RTEL1: variants seen among roughly 807,000 people sequenced by gnomAD.
RTEL1 encodes regulator of telomere length.
A neutral mutation model predicts 162.2 loss-of-function variants in RTEL1; 86 were observed. The observed-to-expected ratio is 0.53, with a 90% CI of 0.45 to 0.63. RTEL1 has a LOEUF of 0.63. Ranked by LOEUF, RTEL1 falls within the 30% of genes least tolerant of loss-of-function variation. The probability of loss-of-function intolerance (pLI) is 0.00; values close to 1 mark genes in which losing one functional copy is unlikely to be tolerated. For missense variants in RTEL1, 1,941 were observed against 1,750.2 expected, an observed-to-expected ratio of 1.11 and a Z score of -1.95; for synonymous variants, 958 against 717.9, an observed-to-expected ratio of 1.33 and a Z score of -5.35.
At position 63,680,653 on chromosome 20, in the gene RTEL1, C is replaced by T. The variant is rs748816887; in HGVS notation, c.1136-11C>T. The T allele has an allele frequency of 6.2e-7, 1 of 1,612,886 alleles. No homozygotes were observed. The highest frequency in any genetic ancestry group is 2.2e-5 in the East Asian group (1 of 44,874). ...CTGCAGTGTGGGTGTCAGCGCCCTGCTGCCCTCCAGGTGCTGGAGTGTTCA... is the reference window on the plus strand; with the variant it reads ...CTGCAGTGTGGGTGTCAGCGCCCTGTTGCCCTCCAGGTGCTGGAGTGTTCA... On this transcript the variant is annotated splice_polypyrimidine_tract_variant and intron_variant, in intron 13 of 34. Transcript: ENST00000360203.
Position 63,690,825 on chromosome 20 carries a change from C to A in RTEL1, c.2434C>A (p.Pro812Thr), listed in dbSNP as rs1601173488. 1.9e-6 allele frequency: 3 copies of A among 1,605,502 alleles called. No individual in the cohort carries two copies. Among genetic ancestry groups the A allele is most frequent in the Non-Finnish European group, 2.5e-6 (3 of 1,177,828 alleles). ...TGCAGGGTCACCAGCTGCCGGGGACCCCGAGAGTAGCCTGTGTGTGGAGTA... is the reference window on the plus strand; with the variant it reads ...TGCAGGGTCACCAGCTGCCGGGGACACCGAGAGTAGCCTGTGTGTGGAGTA... Reference protein sequence around the residue: ...RSSGSPAAGDPESSLCVEYEQ... With the variant: ...RSSGSPAAGDTESSLCVEYEQ... Residue 812 changes from proline to threonine, a missense_variant, in exon 27 of 35, where the codon CCC becomes ACC. Coordinates refer to ENST00000360203, the MANE Select transcript of RTEL1 (RefSeq NM_001283009.2).
At chr20:63,664,650 C>T (rs550038377) in intron 6 of RTEL1, among the ~76,000 whole-genome samples, 3 of 152,348 alleles carry the variant, frequency 2.0e-5, no homozygotes, top group Non-Finnish European at 2.9e-5. Flanking sequence ...GTTGCCTAGC[C>T]GTGAACCTTC....
In RTEL1 at chr20:63,695,376, C is replaced by T. The variant is rs145401003; in HGVS notation, c.3548C>T (p.Ser1183Phe). The T allele has an allele frequency of 7.7e-6, 12 of 1,548,876 alleles. No individual in the cohort carries two copies. The African/African-American group carries it at 1.4e-4, about 18-fold the overall frequency. The change falls in exon 34 of 35, where the codon TCC (serine) becomes TTC (phenylalanine). Residue 1183 changes from serine (S) to phenylalanine (F), a missense_variant. Transcript: ENST00000360203. The stretch of plus-strand genomic sequence containing the variant: ...GGGAAGACCCAGAGCAAGATCTCGT[C>T]CTTCCTTAGACAGAGGCCAGCAGGG... ...KTGKTQSKIS[S>F]FLRQRPAGTV...
At position 63,662,907 on chromosome 20, in the gene RTEL1, G is replaced by A; in HGVS notation, c.538+18G>A. 6.2e-7 allele frequency: 1 copy of A among 1,612,872 alleles called. No homozygotes were observed. The highest frequency in any genetic ancestry group is 8.5e-7 in the Non-Finnish European group (1 of 1,179,034). On this transcript the variant is annotated intron_variant, in intron 6 of 34. Coordinates refer to ENST00000360203, the MANE Select transcript of RTEL1 (RefSeq NM_001283009.2). ...CGTAGAAGGTACAAGCAGCTGGGTG[G>A]GACCAGGGTCGGGTTGGAGTGTGTG...
intron 8 of RTEL1, 134 bp from the exon 9 acceptor site, chr20:63,672,422 C>G: frequency 1.4e-6 from 1 of 733,708 alleles, no homozygotes; most frequent in South Asian, 1.6e-5. Context: ...CAGGTCTGGC[C>G]TCTGCTCTCG....
At chr20:63,671,086 A>C (rs2090231973) in intron 8 of RTEL1, among the ~76,000 whole-genome samples, 1 of 152,068 alleles carries the variant, frequency 6.6e-6, no homozygotes, top group South Asian at 2.1e-4. Context: ...TTTGAAATGG[A>C]GTCTCGCTCT....
chr20:63,694,721 C>G lies in RTEL1; in HGVS notation c.3110-20C>G, dbSNP rs2090926640. The G allele has an allele frequency of 2.5e-6, 4 of 1,574,878 alleles. No homozygotes were observed. Among genetic ancestry groups the G allele is most frequent in the Non-Finnish European group, 3.5e-6 (4 of 1,158,194 alleles). On this transcript the variant is annotated intron_variant, in intron 31 of 34. Coordinates refer to ENST00000360203, the MANE Select transcript of RTEL1 (RefSeq NM_001283009.2). ...TCCTCCACCCCAGCGCCACTCTGAG[C>G]CATGCTACTCCCACACCAGGAGACC...
rs2090018418 is a variant in RTEL1, at chr20:63,661,439, C to T, written c.244C>T (p.Pro82Ser). 6.2e-7 allele frequency: 1 copy of T among 1,613,578 alleles called. No individual in the cohort carries two copies. The highest frequency in any genetic ancestry group is 1.3e-5 in the African/African-American group (1 of 74,916). ...CGAGAGGGCGCAAGGAGAGCTTTTC[C>T]CGGATCGGGCCTTGTCATCCTGGGG... ...IAERAQGELF[P>S]DRALSSWGNA... Residue 82 changes from proline to serine, a missense_variant, in exon 3 of 35, where the codon CCG becomes TCG. Pro to Ser is a moderately conservative substitution (Grantham distance 74, BLOSUM62 -1). Transcript: ENST00000360203. This position sits in a 1 kb window ranked among gnomAD's most constrained non-coding sequence, Gnocchi z 5.1.
At chr20:63,679,714 G>A in intron 12 of RTEL1, 135 bp from the exon 13 acceptor site, 1 of 724,744 alleles carries the variant, frequency 1.4e-6, no homozygotes, top group Non-Finnish European at 2.5e-6. Flanking sequence ...GCTCGAGCCT[G>A]TTTTCTTCTC....
chr20:63,676,899 C>A (rs1236456750), intron 10 of RTEL1, among the ~76,000 whole-genome samples: 2 of 116,086 alleles, frequency 1.7e-5, no homozygotes, highest in African/African-American at 7.2e-5. Context: ...CGCACCATTG[C>A]ACTCCAGCCT....
intron 9 of RTEL1, among the ~76,000 whole-genome samples, chr20:63,672,937 G>C (rs1274683666): frequency 6.6e-6 from 1 of 152,214 alleles, no homozygotes; most frequent in Non-Finnish European, 1.5e-5. Context: ...GCCCTCGGCA[G>C]CAGCAGGCTT....
intron 14 of RTEL1, among the ~76,000 whole-genome samples, chr20:63,683,265 C>G (rs1409226583): frequency 6.6e-6 from 1 of 152,220 alleles, no homozygotes; most frequent in Admixed American, 6.5e-5. Context: ...CATGCCTGCC[C>G]AGCAGAAGGC....
At chr20:63,684,113 C>T (rs2090539182) in intron 14 of RTEL1, among the ~76,000 whole-genome samples, 2 of 152,158 alleles carry the variant, frequency 1.3e-5, no homozygotes, top group Non-Finnish European at 2.9e-5. Flanking sequence ...TGTGTATTCT[C>T]CAAACTGCAC....
chr20:63,692,606 C>T, intron 28 of RTEL1, 199 bp from the exon 29 acceptor site: 1 of 605,144 alleles, frequency 1.7e-6, no homozygotes, highest in East Asian at 2.8e-5. Flanking sequence ...CACTGTGTGA[C>T]CTCAGACGGG....
At chr20:63,685,107 C>T (rs1430080128) in intron 14 of RTEL1, among the ~76,000 whole-genome samples, 3 of 148,768 alleles carry the variant, frequency 2.0e-5, no homozygotes, top group East Asian at 2.0e-4. Flanking sequence ...AGGCTGGTCT[C>T]GAACTCCTGG....
Position 63,694,959 on chromosome 20 carries a change from T to G in RTEL1, c.3328T>G (p.Phe1110Val), listed in dbSNP as rs754275053. Residue 1110 changes from phenylalanine (F) to valine (V), a missense_variant, in exon 32 of 35, where the codon TTC becomes GTC. Transcript: ENST00000360203. ...CCTGACCACTGCAAAGCCAGAGGAC[T>G]TCCCCCTGCTGCACAGCAAGTGGCC... ...AALTTAKPED[F>V]PLLHRFSMFV... The G allele has an allele frequency of 1.2e-6, 2 of 1,612,436 alleles. No individual in the cohort carries two copies. Among genetic ancestry groups the G allele is most frequent in the South Asian group, 2.2e-5 (2 of 91,072 alleles).
Position 63,695,055 on chromosome 20 carries a change from G to A in RTEL1, c.3344-11G>A, listed in dbSNP as rs1465815590. ...GGGGGCTGTGCCGGGTCTGATTGAA[G>A]CTCCCCGCAGGGTTCAGCATGTTTG... On this transcript the variant is annotated splice_polypyrimidine_tract_variant and intron_variant, in intron 32 of 34. Coordinates refer to ENST00000360203, the MANE Select transcript of RTEL1 (RefSeq NM_001283009.2). 1.2e-6 allele frequency: 2 copies of A among 1,611,140 alleles called. No homozygotes were observed. The highest frequency in any genetic ancestry group is 1.7e-6 in the Non-Finnish European group (2 of 1,178,924).
Position 63,694,477 on chromosome 20 carries a change from C to T in RTEL1, c.3098C>T (p.Pro1033Leu). ...GGCAGGCCCCACCTGTCGCCCAGGC[C>T]ACCCCCAACAGGTAGCTGACTCCTG... ...NQGRPHLSPRPPPTGDPGSQP... is the reference protein window; with the variant it reads ...NQGRPHLSPRLPPTGDPGSQP... Residue 1033 changes from proline to leucine, a missense_variant, in exon 31 of 35, where the codon CCA (proline) becomes CTA (leucine). Physicochemically the swap from Pro to Leu is moderately conservative, Grantham distance 98. Transcript: ENST00000360203. The T allele has an allele frequency of 6.3e-7, 1 of 1,598,794 alleles. No individual in the cohort carries two copies. The highest frequency in any genetic ancestry group is 8.6e-7 in the Non-Finnish European group (1 of 1,168,728).
rs2090769061 is a variant in RTEL1 at position 63,692,375 on chromosome 20, T to G, written c.2653-430T>G. 4 of 235,816 alleles carry G rather than the reference T, an allele frequency of 1.7e-5. No homozygotes were observed. The South Asian group carries it at 2.5e-4, about 15-fold the overall frequency. 14.6% of individuals were successfully genotyped at this position (235,816 alleles called of 1,614,324 possible). ...GTGCCTGGGCCGCCCCTGCCTTGGT[T>G]TCCACGTTTCCGTGTTGGTCTGGGG... On this transcript the variant is annotated intron_variant, in intron 28 of 34. Transcript: ENST00000360203.
Sources: allele counts gnomAD v4.1 joint callset (sites outside exome capture counted in the v4.1 genomes callset), GRCh38; gene constraint gnomAD v4.1.1; non-coding constraint Gnocchi (gnomAD v3.1); transcripts MANE v1.5; gene names NCBI Gene and HGNC (gene_info 2026-07-23, HGNC 2026-07-21).